The following CEP112 variants were observed in gnomAD, a reference collection of about 807,000 sequenced individuals.
CEP112 encodes centrosomal protein 112, also known as centrosomal protein of 112 kDa.
A neutral mutation model predicts 153.0 loss-of-function variants in CEP112; 127 were observed. That is an observed-to-expected ratio of 0.83 (90% confidence interval 0.72 to 0.96). The LOEUF (loss-of-function observed/expected upper bound fraction) is 0.96. Among genes scored for constraint, CEP112 ranks in the 40% least tolerant of loss-of-function variants. The pLI is 0.00. For synonymous variants in CEP112, 358 were observed against 374.4 expected, an observed-to-expected ratio of 0.96 and a Z score of 0.51; for missense variants, 1,089 against 1,101.2, an observed-to-expected ratio of 0.99 and a Z score of 0.16.
intron 21 of CEP112, among the ~76,000 whole-genome samples, chr17:65,765,980 A>G (rs2052941609): frequency 6.6e-6 from 1 of 152,030 alleles, no homozygotes; most frequent in African/African-American, 2.4e-5. Context: ...ACCAAAGAAC[A>G]CAATAATTCT....
intron 21 of CEP112, chr17:65,826,284 T>G: frequency 6.2e-7 from 1 of 1,614,066 alleles, no homozygotes; most frequent in Non-Finnish European, 8.5e-7. Flanking sequence ...TGGTCTAAAC[T>G]CAGAGAAGCC....
In CEP112 at chr17:66,035,752, C is replaced by T. The variant is rs561118901; in HGVS notation, c.1219-5729G>A. Among the ~76,000 whole-genome samples the T allele has an allele frequency of 3.5e-4, 53 of 152,312 alleles. 1 individual carries two copies. The South Asian group carries it at 6.8e-3, about 20-fold the overall frequency. ...AATGTGCAGCTCTCTCCTGGATGGA[C>T]AGAACAGCATCTGGAGACTCACATT... On this transcript the variant is annotated intron_variant, in intron 12 of 26. Coordinates refer to ENST00000535342, the MANE Select transcript of CEP112 (RefSeq NM_001199165.4).
chr17:66,021,126 G>C (rs143490624), intron 16 of CEP112, among the ~76,000 whole-genome samples: 2 of 152,088 alleles, frequency 1.3e-5, no homozygotes, highest in Non-Finnish European at 2.9e-5. Flanking sequence ...GAGAGGCCAG[G>C]AGCGTGTGAA....
At chr17:65,763,915 G>C (rs2052768916) in intron 21 of CEP112, among the ~76,000 whole-genome samples, 1 of 151,910 alleles carries the variant, frequency 6.6e-6, no homozygotes. Context: ...TGGGTATATG[G>C]AACTGCAGTG....
At chr17:65,648,093 C>T (rs1220614847) in intron 24 of CEP112, among the ~76,000 whole-genome samples, 1 of 152,138 alleles carries the variant, frequency 6.6e-6, no homozygotes, top group African/African-American at 2.4e-5. Context: ...GTCTATTAAA[C>T]ACGAAGGTAT....
chr17:65,834,297 AT>A (rs2057211036), intron 21 of CEP112, among the ~76,000 whole-genome samples: 1 of 152,216 alleles, frequency 6.6e-6, no homozygotes, highest in Non-Finnish European at 1.5e-5. Flanking sequence ...ACAGGCAATG[AT>A]TTCATGACAA....
chr17:65,934,915 CCTT>C (rs2061254280), intron 18 of CEP112, among the ~76,000 whole-genome samples: 1 of 152,142 alleles, frequency 6.6e-6, no homozygotes, highest in Non-Finnish European at 1.5e-5. Context: ...AAAGACACCT[CCTT>C]CACAGGGCAA....
chr17:66,184,319 C>T (rs918137603), intron 1 of CEP112, among the ~76,000 whole-genome samples: 2 of 151,966 alleles, frequency 1.3e-5, no homozygotes, highest in African/African-American at 4.8e-5. Flanking sequence ...CTGCAAAGGA[C>T]GTTGTTAAGG....
In CEP112 at chr17:65,799,992, G is replaced by A. The variant is rs189643127; in HGVS notation, c.2395-49268C>T. 5.5e-4 allele frequency among the ~76,000 whole-genome samples: 83 copies of A among 152,196 alleles called. 1 individual carries two copies. The highest frequency in any genetic ancestry group is 1.0e-3 in the South Asian group (5 of 4,814). ...ACAGGTGAGTCATACATAATTCCTC[G>A]GAAACTAAGAATAAGAAACTTGTCC... On this transcript the variant is annotated intron_variant, in intron 21 of 26. Transcript: ENST00000535342.
Position 65,990,755 on chromosome 17 carries a change from G to A in CEP112, c.1736+14935C>T, listed in dbSNP as rs577132034. Among the ~76,000 whole-genome samples, 5 of 152,342 alleles carry A rather than the reference G, an allele frequency of 3.3e-5. No homozygotes were observed. The South Asian group carries it at 1.0e-3, about 32-fold the overall frequency. On this transcript the variant is annotated intron_variant, in intron 17 of 26. Transcript: ENST00000535342. ...AAGTCCCAATGCTGAGCTGGGCTCA[G>A]AGCCAGTGGACTAGAGGGGCACACA... is the stretch of plus-strand genomic sequence containing the variant.
At chr17:66,147,533 CTTTT>C (rs984469519) in intron 4 of CEP112, among the ~76,000 whole-genome samples, 1 of 151,220 alleles carries the variant, frequency 6.6e-6, no homozygotes, top group African/African-American at 2.4e-5. Context: ...TTCAATGTAT[CTTTT>C]TTTTTATTTG....
intron 21 of CEP112, among the ~76,000 whole-genome samples, chr17:65,758,370 T>C (rs1386521678): frequency 6.6e-6 from 1 of 152,182 alleles, no homozygotes; most frequent in Admixed American, 6.5e-5. Context: ...TCACTTTTAA[T>C]TCCTAACAAA....
chr17:66,146,464 G>A (rs1220835029), intron 4 of CEP112, among the ~76,000 whole-genome samples: 5 of 151,872 alleles, frequency 3.3e-5, no homozygotes, highest in Admixed American at 6.6e-5. Context: ...TTTCATTCCC[G>A]ATATTATTAT....
At chr17:65,697,243 C>T (rs1181147793) in intron 23 of CEP112, among the ~76,000 whole-genome samples, 1 of 152,142 alleles carries the variant, frequency 6.6e-6, no homozygotes, top group South Asian at 2.1e-4. Flanking sequence ...GACGTGATGC[C>T]TGAGCTGTGA....
chr17:65,913,992 T>C (rs565006275), intron 19 of CEP112: 44 of 474,994 alleles, frequency 9.3e-5, no homozygotes, highest in Middle Eastern at 2.2e-3. Context: ...CAGATCTCAG[T>C]TGAAACTCAG....
intron 24 of CEP112, among the ~76,000 whole-genome samples, chr17:65,678,650 C>T (rs72841599): frequency 0.015 from 2,287 of 152,236 alleles, 28 homozygotes; most frequent in Non-Finnish European, 0.024. Context: ...CTCCTGCGGC[C>T]CTCCCCGTGG....
intron 20 of CEP112, among the ~76,000 whole-genome samples, chr17:65,856,936 C>T (rs9890166): frequency 1 from 151,824 of 152,340 alleles, 75,655 homozygotes; most frequent in Non-Finnish European, 1. Flanking sequence ...TAGTATTTCA[C>T]CCTTCCAGTA....
intron 20 of CEP112, among the ~76,000 whole-genome samples, chr17:65,861,633 A>G (rs1392126401): frequency 6.6e-6 from 1 of 152,256 alleles, no homozygotes; most frequent in African/African-American, 2.4e-5. Context: ...TTTAATGGTA[A>G]ACATGAAAAG....
chr17:66,158,587 G>A (rs1379098297), intron 4 of CEP112, among the ~76,000 whole-genome samples: 1 of 152,082 alleles, frequency 6.6e-6, no homozygotes, highest in African/African-American at 2.4e-5. Context: ...ACTCCAGCCT[G>A]GATGACAGAG....
Sources: allele counts gnomAD v4.1 joint callset (sites outside exome capture counted in the v4.1 genomes callset), GRCh38; gene constraint gnomAD v4.1.1; transcripts MANE v1.5; gene names NCBI Gene and HGNC (gene_info 2026-07-23, HGNC 2026-07-21).